The following TRAPPC9 variants were observed in gnomAD, a reference collection of about 807,000 sequenced individuals.
TRAPPC9 encodes the protein trafficking protein particle complex subunit 9, also known as IKK2 binding protein.
TRAPPC9 carries 83 observed loss-of-function variants against 124.0 expected under a neutral mutation model. The observed-to-expected ratio is 0.67, with a 90% confidence interval of 0.56 to 0.80. The LOEUF (loss-of-function observed/expected upper bound fraction) is 0.80. TRAPPC9 is among the 30% of genes least tolerant of loss of function. The probability of loss-of-function intolerance (pLI) is 0.00; values close to 1 mark genes in which losing one functional copy is unlikely to be tolerated. For missense variants in TRAPPC9, 1,302 were observed against 1,508.3 expected, an observed-to-expected ratio of 0.86 and a Z score of 2.27; for synonymous variants, 638 against 617.5, an observed-to-expected ratio of 1.03 and a Z score of -0.49.
chr8:139,739,738 C>T lies in TRAPPC9; in HGVS notation c.3056-7536G>A, dbSNP rs946325622. Among the ~76,000 whole-genome samples, 8 of 152,368 alleles carry T rather than the reference C, an allele frequency of 5.3e-5. No individual in the cohort carries two copies. In the East Asian group the frequency reaches 7.7e-4, roughly 15 times the overall value. On this transcript the variant is annotated intron_variant, in intron 21 of 22. Coordinates refer to ENST00000438773, the MANE Select transcript of TRAPPC9 (RefSeq NM_001160372.4). ...CATGGCCCTGGCATCTGATCTGAAGCGACCTTGTTTATCGATTTGTTTCAT... is the reference window on the plus strand; with the variant it reads ...CATGGCCCTGGCATCTGATCTGAAGTGACCTTGTTTATCGATTTGTTTCAT...
At chr8:140,155,696 A>AC (rs147386148) in intron 17 of TRAPPC9, among the ~76,000 whole-genome samples, 10,037 of 152,190 alleles carry the variant, frequency 0.066, 382 homozygotes, top group African/African-American at 0.08. Context: ...TTGACATGGG[A>AC]CCCCCTGGCT....
At chr8:140,155,998 A>G (rs11778452) in intron 17 of TRAPPC9, among the ~76,000 whole-genome samples, 24,494 of 152,166 alleles carry the variant, frequency 0.16, 2,529 homozygotes, top group Admixed American at 0.25. Context: ...TGAGGTTTGG[A>G]ACTGGGGGGC....
At chr8:139,838,525 C>T (rs1826507827) in intron 21 of TRAPPC9, among the ~76,000 whole-genome samples, 1 of 152,222 alleles carries the variant, frequency 6.6e-6, no homozygotes, top group South Asian at 2.1e-4. Flanking sequence ...GGGCCATTTT[C>T]ATGGGCTGCT....
chr8:140,037,372 G>A lies in TRAPPC9; in HGVS notation c.2557-13293C>T, dbSNP rs190806494. Among the ~76,000 whole-genome samples the A allele has an allele frequency of 4.6e-5, 7 of 151,932 alleles. No homozygotes were observed. In the East Asian group the frequency reaches 1.4e-3, roughly 29 times the overall value. ...ATTATTACTAAATCAGTATTCAACA[G>A]TGAGAAAGGAAGATAAGATACTTGG... On this transcript the variant is annotated intron_variant, in intron 17 of 22. Transcript: ENST00000438773.
chr8:140,452,415 A>G (rs2071497006), intron 1 of TRAPPC9, among the ~76,000 whole-genome samples: 1 of 141,422 alleles, frequency 7.1e-6, no homozygotes, highest in Non-Finnish European at 1.5e-5. Flanking sequence ...GCCAGACTGC[A>G]TCTCAAAAAA....
At chr8:140,378,393 G>A (rs570800623) in intron 7 of TRAPPC9, among the ~76,000 whole-genome samples, 25 of 152,236 alleles carry the variant, frequency 1.6e-4, no homozygotes, top group Admixed American at 4.6e-4. Context: ...ATGAAAAGAC[G>A]AGGCTGGCCT....
intron 5 of TRAPPC9, among the ~76,000 whole-genome samples, chr8:140,411,831 A>G (rs2069716820): frequency 6.6e-6 from 1 of 152,208 alleles, no homozygotes; most frequent in African/African-American, 2.4e-5. Flanking sequence ...AGTCCATAAC[A>G]ATAAGTGGAT....
intron 4 of TRAPPC9, among the ~76,000 whole-genome samples, chr8:140,433,780 T>C (rs891751722): frequency 1.7e-4 from 26 of 152,118 alleles, no homozygotes; most frequent in African/African-American, 6.3e-4. Context: ...AAGAATAGGA[T>C]CTAGAGGCAA....
chr8:139,998,170 T>G (rs900753279), intron 18 of TRAPPC9, among the ~76,000 whole-genome samples: 3 of 152,246 alleles, frequency 2.0e-5, no homozygotes, highest in Admixed American at 2.0e-4. Context: ...ATTTTTAAAA[T>G]GCTGAAAGAA....
intron 6 of TRAPPC9, among the ~76,000 whole-genome samples, chr8:140,404,420 G>C (rs1172198302): frequency 6.6e-6 from 1 of 152,092 alleles, no homozygotes; most frequent in African/African-American, 2.4e-5. Flanking sequence ...TCTTGTTCTA[G>C]GTGCTGTTTA....
At chr8:140,457,868 G>A, upstream of TRAPPC9, 10 of 1,083,838 alleles carry the variant, frequency 9.2e-6, no homozygotes, top group Non-Finnish European at 1.2e-5. Flanking sequence ...AAAAGAGGAA[G>A]GAGGAGCGAG....
At chr8:140,374,072 T>C (rs1164325859) in intron 7 of TRAPPC9, among the ~76,000 whole-genome samples, 4 of 152,254 alleles carry the variant, frequency 2.6e-5, no homozygotes, top group Non-Finnish European at 5.9e-5. Flanking sequence ...TATGTCCTCA[T>C]CTGAGAAAAA....
chr8:139,987,351 T>G (rs1837305194), intron 19 of TRAPPC9, among the ~76,000 whole-genome samples: 2 of 152,208 alleles, frequency 1.3e-5, no homozygotes, highest in Non-Finnish European at 2.9e-5. Context: ...TGCACTATTT[T>G]ATATCCCCAC....
At chr8:139,767,539 G>A (rs1820662280) in intron 21 of TRAPPC9, among the ~76,000 whole-genome samples, 1 of 152,232 alleles carries the variant, frequency 6.6e-6, no homozygotes, top group South Asian at 2.1e-4. Context: ...GCTGGCAGGT[G>A]CATGTGGGGG....
intron 17 of TRAPPC9, among the ~76,000 whole-genome samples, chr8:140,114,106 G>C (rs547620186): frequency 6.6e-6 from 1 of 152,260 alleles, no homozygotes; most frequent in South Asian, 2.1e-4. Flanking sequence ...TAGCATAGCT[G>C]GTAGCTGGTC....
At chr8:140,279,749 G>T (rs1168163179) in intron 14 of TRAPPC9, among the ~76,000 whole-genome samples, 1 of 152,202 alleles carries the variant, frequency 6.6e-6, no homozygotes, top group Non-Finnish European at 1.5e-5. Context: ...CTTTGGAAAT[G>T]ATTCTAAACA....
chr8:139,818,491 G>T (rs946428265), intron 21 of TRAPPC9, among the ~76,000 whole-genome samples: 2 of 152,118 alleles, frequency 1.3e-5, no homozygotes, highest in Non-Finnish European at 2.9e-5. Context: ...CAGGAGAATT[G>T]CTTGAACCCA....
intron 17 of TRAPPC9, chr8:140,096,260 A>C (rs1032022425): frequency 5.3e-5 from 8 of 152,256 alleles, no homozygotes; most frequent in African/African-American, 1.9e-4. Context: ...CAGGGAGGTA[A>C]GTGGGAGGGG....
At chr8:140,071,035 A>G (rs887450842) in intron 17 of TRAPPC9, among the ~76,000 whole-genome samples, 1 of 152,256 alleles carries the variant, frequency 6.6e-6, no homozygotes, top group African/African-American at 2.4e-5. Flanking sequence ...GTTCTAGCAT[A>G]TTGAGCTTTG....
Sources: allele counts gnomAD v4.1 joint callset (sites outside exome capture counted in the v4.1 genomes callset), GRCh38; gene constraint gnomAD v4.1.1; transcripts MANE v1.5; gene names NCBI Gene and HGNC (gene_info 2026-07-23, HGNC 2026-07-21).